The following KIAA0586 variants were observed in gnomAD, a reference collection of about 807,000 sequenced individuals.
KIAA0586 encodes the protein protein TALPID3.
In KIAA0586, 144 loss-of-function variants were observed where a neutral mutation model predicts 169.8. The ratio of observed to expected loss-of-function variants is 0.85; its 90% CI spans 0.74 to 0.97. KIAA0586 has a LOEUF of 0.97. KIAA0586 is among the 50% of genes least tolerant of loss of function. The probability of loss-of-function intolerance (pLI) is 0.00; values close to 1 mark genes in which losing one functional copy is unlikely to be tolerated. For missense variants in KIAA0586, 1,854 were observed against 1,823.0 expected (o/e 1.02, Z -0.31); for synonymous variants, 625 against 612.4 (o/e 1.02, Z -0.30).
At chr14:58,520,888 G>A (rs2045165603) in intron 29 of KIAA0586, 1 of 161,098 alleles carries the variant, frequency 6.2e-6, no homozygotes, top group African/African-American at 2.4e-5. Flanking sequence ...TTTTTTTGTA[G>A]ATGAATAATA....
chr14:58,526,535 C>T (rs2045596742), intron 29 of KIAA0586, among the ~76,000 whole-genome samples: 1 of 152,158 alleles, frequency 6.6e-6, no homozygotes, highest in Non-Finnish European at 1.5e-5. Flanking sequence ...GACACCCACG[C>T]AGAAACCCCA....
intron 4 of KIAA0586, 105 bp from the exon 5 acceptor site, chr14:58,442,601 A>T (rs907894907): frequency 9.8e-6 from 8 of 814,588 alleles, no homozygotes; most frequent in East Asian, 2.9e-5. Context: ...TGATTTAATT[A>T]AAAAAAATCA....
chr14:58,434,977 T>A (rs941695097), intron 4 of KIAA0586, among the ~76,000 whole-genome samples: 1 of 152,022 alleles, frequency 6.6e-6, no homozygotes, highest in Non-Finnish European at 1.5e-5. Flanking sequence ...TTTGTAGATA[T>A]AGGGTCTCAC....
chr14:58,535,683 C>T (rs931763013), intron 29 of KIAA0586, among the ~76,000 whole-genome samples: 1 of 149,630 alleles, frequency 6.7e-6, no homozygotes, highest in Admixed American at 6.7e-5. Flanking sequence ...TTTTAAGTAC[C>T]CTAATAATTT....
At chr14:58,503,216 A>G (rs1010396309) in intron 27 of KIAA0586, among the ~76,000 whole-genome samples, 2 of 152,268 alleles carry the variant, frequency 1.3e-5, no homozygotes, top group Non-Finnish European at 2.9e-5. Context: ...TAAGTACTAC[A>G]TTAAGCACTC....
At chr14:58,556,067 T>C (rs1411993013), downstream of KIAA0586, among the ~76,000 whole-genome samples, 1 of 152,248 alleles carries the variant, frequency 6.6e-6, no homozygotes, top group Non-Finnish European at 1.5e-5. Flanking sequence ...TTTTAGTGTC[T>C]TTACCATTTT....
At chr14:58,430,541 A>C in intron 2 of KIAA0586, 107 bp from the exon 3 acceptor site, 1 of 613,110 alleles carries the variant, frequency 1.6e-6, no homozygotes, top group Non-Finnish European at 2.9e-6. Context: ...TGAAATACAC[A>C]GTCCTGCCCT....
chr14:58,447,273 T>G (rs926541679), intron 6 of KIAA0586, among the ~76,000 whole-genome samples: 53 of 152,212 alleles, frequency 3.5e-4, no homozygotes, highest in Non-Finnish European at 6.9e-4. Flanking sequence ...TTTCTTGGCC[T>G]GGCATAAAAC....
At chr14:58,473,722 A>G (rs2041396875) in intron 18 of KIAA0586, among the ~76,000 whole-genome samples, 1 of 152,106 alleles carries the variant, frequency 6.6e-6, no homozygotes, top group African/African-American at 2.4e-5. Flanking sequence ...CCTGGCCAAG[A>G]TGGTGAAACC....
chr14:58,493,860 G>T (rs2042981949), intron 26 of KIAA0586, among the ~76,000 whole-genome samples: 1 of 152,076 alleles, frequency 6.6e-6, no homozygotes, highest in South Asian at 2.1e-4. Flanking sequence ...GAAAGCGCAT[G>T]TGCGGGTGGA....
chr14:58,465,715 G>A lies in KIAA0586; in HGVS notation c.2060-120G>A. 5.1e-6 allele frequency: 3 copies of A among 587,156 alleles called. No homozygotes were observed. The South Asian group carries it at 8.7e-5, about 17-fold the overall frequency. The allele number at this position is 587,156 out of a possible 1,614,324, so 36.4% of individuals were successfully genotyped here. Reference sequence around the variant, plus strand: ...GGTCTATATATTACTTCTGTTTTGGGGCCTTGTAACCTTATATAGAATTAA... The same window carrying A: ...GGTCTATATATTACTTCTGTTTTGGAGCCTTGTAACCTTATATAGAATTAA... On this transcript the variant is annotated intron_variant, in intron 14 of 30. Transcript: ENST00000652326.
At position 58,548,046 on chromosome 14, in the gene KIAA0586, T is replaced by A. The variant is rs996161071; in HGVS notation, c.*114T>A. The A allele has an allele frequency of 7.5e-6, 9 of 1,207,880 alleles. No homozygotes were observed. In the Admixed American group the frequency reaches 8.2e-5, roughly 11 times the overall value. The allele number at this position is 1,207,880 out of a possible 1,614,324, so 74.8% of individuals were successfully genotyped here. The stretch of plus-strand genomic sequence containing the variant: ...TTTTGAGCATATTCTGAAAAAAAAA[T>A]TCCAATATTTTAAAATAAAACAAAA... On this transcript the variant is annotated 3_prime_UTR_variant, in exon 31 of 31. Transcript: ENST00000652326.
chr14:58,469,844 G>C (rs1384145422), intron 16 of KIAA0586, among the ~76,000 whole-genome samples: 4 of 152,088 alleles, frequency 2.6e-5, no homozygotes, highest in African/African-American at 9.7e-5. Flanking sequence ...ATAACAATAA[G>C]ATGCATCCAT....
chr14:58,527,971 G>A (rs920818299), intron 29 of KIAA0586, among the ~76,000 whole-genome samples: 1 of 152,140 alleles, frequency 6.6e-6, no homozygotes, highest in African/African-American at 2.4e-5. Context: ...CATCTCACAT[G>A]CAAAGGCACA....
At chr14:58,441,149 G>A in intron 4 of KIAA0586, 1 of 222,560 alleles carries the variant, frequency 4.5e-6, no homozygotes, top group Non-Finnish European at 9.6e-6. Context: ...ATAAAAAATA[G>A]TCACAAAGTG....
At chr14:58,514,115 C>T (rs1032620041) in intron 29 of KIAA0586, among the ~76,000 whole-genome samples, 17 of 152,076 alleles carry the variant, frequency 1.1e-4, no homozygotes, top group African/African-American at 3.9e-4. Context: ...ATAATTGGTA[C>T]ATATCTTTAT....
intron 30 of KIAA0586, chr14:58,543,802 T>C: frequency 2.4e-6 from 1 of 412,762 alleles, no homozygotes; most frequent in Non-Finnish European, 4.7e-6. Flanking sequence ...ACTATTTTTA[T>C]AGATCCGTCT....
chr14:58,446,181 T>TA (rs1164731804), intron 6 of KIAA0586, among the ~76,000 whole-genome samples: 2 of 151,776 alleles, frequency 1.3e-5, no homozygotes, highest in Non-Finnish European at 2.9e-5. Flanking sequence ...ACTGTGCATT[T>TA]AAAAACTTAA....
At position 58,498,372 on chromosome 14, in the gene KIAA0586, C is replaced by T. The variant is rs187800304; in HGVS notation, c.3991-411C>T. 6.6e-4 allele frequency among the ~76,000 whole-genome samples: 100 copies of T among 151,778 alleles called. 2 individuals carry two copies. In the East Asian group the frequency reaches 0.019, roughly 28 times the overall value. On this transcript the variant is annotated intron_variant, in intron 26 of 30. Transcript: ENST00000652326. Reference sequence around the variant, plus strand: ...TGTATTTTTTGTCGAGACAGGGTTTCGCCATGTTGCCTAGGCTGGTCTTGA... The same window carrying T: ...TGTATTTTTTGTCGAGACAGGGTTTTGCCATGTTGCCTAGGCTGGTCTTGA...
Sources: allele counts gnomAD v4.1 joint callset (sites outside exome capture counted in the v4.1 genomes callset), GRCh38; gene constraint gnomAD v4.1.1; transcripts MANE v1.5; gene names NCBI Gene and HGNC (gene_info 2026-07-23, HGNC 2026-07-21).